Variants in GRM7 observed in about 807,000 individuals in gnomAD.
The protein encoded by GRM7 is glutamate metabotropic receptor 7, also known as metabotropic glutamate receptor 7.
A neutral mutation model predicts 84.5 loss-of-function variants in GRM7; 35 were observed. The ratio of observed to expected loss-of-function variants is 0.41; its 90% confidence interval spans 0.32 to 0.55. The LOEUF is 0.55. Among genes scored for constraint, GRM7 ranks in the 20% least tolerant of loss-of-function variants. The pLI is 0.19. For missense variants in GRM7, 1,003 were observed against 1,194.6 expected, an observed-to-expected ratio of 0.84 and a Z score of 2.36; for synonymous variants, 487 against 455.1, an observed-to-expected ratio of 1.07 and a Z score of -0.89.
At chr3:7,394,481 C>T (rs1209344177) in intron 4 of GRM7, among the ~76,000 whole-genome samples, 1 of 152,130 alleles carries the variant, frequency 6.6e-6, no homozygotes, top group Admixed American at 6.6e-5. Flanking sequence ...TTTCTAAAGA[C>T]ATATAGTTCT....
At chr3:7,523,631 C>G (rs561983797) in intron 7 of GRM7, among the ~76,000 whole-genome samples, 1 of 152,224 alleles carries the variant, frequency 6.6e-6, no homozygotes, top group African/African-American at 2.4e-5. Flanking sequence ...AAGGGATGTA[C>G]TTTCCTGACA....
chr3:7,402,091 C>A (rs897521559), intron 4 of GRM7, among the ~76,000 whole-genome samples: 2 of 152,106 alleles, frequency 1.3e-5, no homozygotes, highest in African/African-American at 4.8e-5. Flanking sequence ...TCTCCCCAGG[C>A]AAACTGAATT....
chr3:6,959,886 A>T (rs1354067303), intron 1 of GRM7, among the ~76,000 whole-genome samples: 1 of 152,088 alleles, frequency 6.6e-6, no homozygotes. Flanking sequence ...ATGGAAACTC[A>T]TGGAGAGGTA....
At chr3:7,244,845 C>G (rs1181494466) in intron 2 of GRM7, among the ~76,000 whole-genome samples, 1 of 151,868 alleles carries the variant, frequency 6.6e-6, no homozygotes, top group Non-Finnish European at 1.5e-5. Context: ...AGAAGCAAAC[C>G]AAGATAGACT....
chr3:7,035,054 G>A (rs1211844649), intron 1 of GRM7, among the ~76,000 whole-genome samples: 2 of 152,162 alleles, frequency 1.3e-5, no homozygotes, highest in Non-Finnish European at 2.9e-5. Context: ...AGGTCTGGAA[G>A]AGCAGGTGGA....
intron 1 of GRM7, among the ~76,000 whole-genome samples, chr3:6,986,825 T>G (rs557074909): frequency 2.6e-5 from 4 of 152,300 alleles, no homozygotes; most frequent in African/African-American, 9.6e-5. Context: ...CACTTTTTCT[T>G]CTCTCCTCTG....
At chr3:7,532,554 A>T (rs577886876) in intron 7 of GRM7, among the ~76,000 whole-genome samples, 1 of 151,914 alleles carries the variant, frequency 6.6e-6, no homozygotes, top group South Asian at 2.1e-4. Flanking sequence ...AATTTTGTTA[A>T]TCTTTTCAAA....
At position 7,276,268 on chromosome 3, in the gene GRM7, C is replaced by A. The variant is rs1350447344; in HGVS notation, c.737-22416C>A. 2.0e-5 allele frequency among the ~76,000 whole-genome samples: 3 copies of A among 148,838 alleles called. No homozygotes were observed. The Admixed American group carries it at 2.0e-4, about 10-fold the overall frequency. On this transcript the variant is annotated intron_variant, in intron 2 of 9. Transcript: ENST00000357716. Reference sequence around the variant, plus strand: ...GTGTGTGTATATATAATTGTCCTCTCAATGTAGAAACATTGCTTTGATCTA... The same window carrying A: ...GTGTGTGTATATATAATTGTCCTCTAAATGTAGAAACATTGCTTTGATCTA...
intron 2 of GRM7, among the ~76,000 whole-genome samples, chr3:7,214,393 G>A (rs1409438956): frequency 1.3e-5 from 2 of 152,204 alleles, no homozygotes; most frequent in Non-Finnish European, 2.9e-5. Flanking sequence ...AGCTTCAGAA[G>A]CAAACAAGAC....
intron 8 of GRM7, among the ~76,000 whole-genome samples, chr3:7,660,528 G>C (rs1348550366): frequency 6.6e-6 from 1 of 152,124 alleles, no homozygotes; most frequent in African/African-American, 2.4e-5. Flanking sequence ...AGAGAAATAT[G>C]CTTTGTTGAT....
intron 8 of GRM7, among the ~76,000 whole-genome samples, chr3:7,641,598 A>T (rs909692861): frequency 6.6e-6 from 1 of 152,134 alleles, no homozygotes; most frequent in Admixed American, 6.5e-5. Flanking sequence ...AGGGGAGGGG[A>T]GAATGGGGAG....
chr3:7,636,785 C>G (rs1041932803), intron 8 of GRM7, among the ~76,000 whole-genome samples: 4 of 152,084 alleles, frequency 2.6e-5, no homozygotes, highest in Non-Finnish European at 5.9e-5. Context: ...TGATCATGCC[C>G]AAAGCTCTCA....
intron 8 of GRM7, among the ~76,000 whole-genome samples, chr3:7,632,556 G>C (rs1162748922): frequency 6.6e-6 from 1 of 152,214 alleles, no homozygotes; most frequent in African/African-American, 2.4e-5. Flanking sequence ...CCTTGGGGCT[G>C]TTTTCCAATC....
chr3:7,410,855 A>G (rs75574038), intron 4 of GRM7, among the ~76,000 whole-genome samples: 3 of 152,272 alleles, frequency 2.0e-5, no homozygotes, highest in African/African-American at 7.2e-5. Flanking sequence ...TTTCCTAAGG[A>G]TAACATAAAA....
intron 1 of GRM7, chr3:6,956,612 C>T (rs992218579): frequency 2.2e-6 from 1 of 456,642 alleles, no homozygotes; most frequent in Non-Finnish European, 4.4e-6. Flanking sequence ...CCTAAACGTC[C>T]TTCAAAAGTA....
At chr3:7,713,300 C>T in intron 9 of GRM7, among the ~76,000 whole-genome samples, 1 of 151,760 alleles carries the variant, frequency 6.6e-6, no homozygotes, top group Non-Finnish European at 1.5e-5. Context: ...CCATGCCTGG[C>T]TAATTTTCAT....
Position 7,382,881 on chromosome 3 carries a change from C to A in GRM7, c.1034-32142C>A, listed in dbSNP as rs139160647. On this transcript the variant is annotated intron_variant, in intron 4 of 9. Transcript: ENST00000357716. Reference sequence around the variant, plus strand: ...TCTCAGTAGGCTCTGGACTTTGGAACAGATCATTTACATCTCATTTCACAC... The same window carrying A: ...TCTCAGTAGGCTCTGGACTTTGGAAAAGATCATTTACATCTCATTTCACAC... 3.9e-4 allele frequency among the ~76,000 whole-genome samples: 60 copies of A among 152,276 alleles called. No individual in the cohort carries two copies. In the East Asian group the frequency reaches 0.011, roughly 29 times the overall value.
At chr3:7,137,994 C>T (rs765455866) in intron 1 of GRM7, among the ~76,000 whole-genome samples, 2 of 151,888 alleles carry the variant, frequency 1.3e-5, no homozygotes, top group African/African-American at 4.8e-5. Flanking sequence ...TAGTGAATTT[C>T]GTAAGACATC....
At chr3:7,356,770 C>T (rs757520051) in intron 4 of GRM7, among the ~76,000 whole-genome samples, 2 of 151,982 alleles carry the variant, frequency 1.3e-5, no homozygotes, top group Admixed American at 1.3e-4. Flanking sequence ...GGCCTTTGGC[C>T]TCACACTAGA....
Sources: gnomAD v4.1 joint callset for allele counts (sites outside exome capture counted in the v4.1 genomes callset) on GRCh38, gnomAD v4.1.1 for gene constraint, MANE v1.5 for transcripts, NCBI Gene and HGNC (gene_info 2026-07-23, HGNC 2026-07-21) for gene names.